Variants in GRM8 observed in about 807,000 individuals in gnomAD.
GRM8 encodes the protein glutamate metabotropic receptor 8, also known as metabotropic glutamate receptor 8.
GRM8 carries 47 observed loss-of-function variants against 87.2 expected under a neutral mutation model. That is an observed-to-expected ratio of 0.54 (90% confidence interval 0.43 to 0.69). The LOEUF (loss-of-function observed/expected upper bound fraction) is 0.69, where lower values mean the gene tolerates loss of function less well. Ranked by LOEUF, GRM8 falls within the 30% of genes least tolerant of loss-of-function variation. The pLI is 0.00. For synonymous variants in GRM8, 396 were observed against 404.5 expected, an observed-to-expected ratio of 0.98 and a Z score of 0.25; for missense variants, 1,019 against 1,139.2, an observed-to-expected ratio of 0.89 and a Z score of 1.52.
chr7:127,015,565 C>T (rs1467511137), intron 3 of GRM8, among the ~76,000 whole-genome samples: 1 of 152,086 alleles, frequency 6.6e-6, no homozygotes, highest in Non-Finnish European at 1.5e-5. Flanking sequence ...ACAGGCTATT[C>T]AACAATAGGC....
chr7:126,949,998 T>C lies in GRM8; in HGVS notation c.728-45315A>G, dbSNP rs145209381. On this transcript the variant is annotated intron_variant, in intron 3 of 10. Transcript: ENST00000339582. ...GGGTTTGAAGTTGAGGTTAATTCCC[T>C]CACTTTGCAGTACCACTAAAATGAA... is the stretch of plus-strand genomic sequence containing the variant. 8.5e-4 allele frequency among the ~76,000 whole-genome samples: 129 copies of C among 152,334 alleles called. 2 individuals carry two copies. Among genetic ancestry groups the C allele is most frequent in the African/African-American group, 2.9e-3 (121 of 41,582 alleles).
chr7:126,876,075 C>T (rs1799502609), intron 6 of GRM8, among the ~76,000 whole-genome samples: 1 of 152,188 alleles, frequency 6.6e-6, no homozygotes, highest in Admixed American at 6.5e-5. Context: ...CCTACTCAAA[C>T]TTTACCTTCC....
At chr7:127,234,735 G>A (rs752989195) in intron 2 of GRM8, among the ~76,000 whole-genome samples, 28 of 152,298 alleles carry the variant, frequency 1.8e-4, no homozygotes, top group Non-Finnish European at 3.2e-4. Flanking sequence ...TCAGGAACGC[G>A]TGTTTCAACA....
intron 3 of GRM8, among the ~76,000 whole-genome samples, chr7:127,001,481 T>TA (rs1384897954): frequency 6.6e-6 from 1 of 151,598 alleles, no homozygotes; most frequent in Non-Finnish European, 1.5e-5. Flanking sequence ...AGACACTTCA[T>TA]AAAAATACAA....
intron 8 of GRM8, among the ~76,000 whole-genome samples, chr7:126,579,032 A>G (rs1017535923): frequency 1.3e-5 from 2 of 152,140 alleles, no homozygotes; most frequent in African/African-American, 4.8e-5. Context: ...TATCTTACGT[A>G]AAGTAGGTAT....
chr7:127,010,270 T>A (rs1814753888), intron 3 of GRM8, among the ~76,000 whole-genome samples: 1 of 152,242 alleles, frequency 6.6e-6, no homozygotes, highest in Admixed American at 6.5e-5. Flanking sequence ...TTCATCACAT[T>A]ATATTGATTT....
chr7:126,908,141 G>A (rs1199757416), intron 3 of GRM8, among the ~76,000 whole-genome samples: 1 of 152,126 alleles, frequency 6.6e-6, no homozygotes, highest in African/African-American at 2.4e-5. Context: ...GAGAGAGAAG[G>A]GAATTGTAAT....
intron 3 of GRM8, among the ~76,000 whole-genome samples, chr7:126,982,325 C>T (rs776715135): frequency 9.9e-5 from 15 of 152,166 alleles, no homozygotes; most frequent in Non-Finnish European, 1.8e-4. Flanking sequence ...TTTGGCAACA[C>T]CCTCACAGAC....
chr7:126,440,761 T>C (rs1247638236), intron 10 of GRM8, among the ~76,000 whole-genome samples: 1 of 152,068 alleles, frequency 6.6e-6, no homozygotes, highest in Admixed American at 6.6e-5. Context: ...AAGTACACTG[T>C]ATGATGTTTG....
At chr7:127,005,754 C>T (rs1251247889) in intron 3 of GRM8, among the ~76,000 whole-genome samples, 1 of 151,920 alleles carries the variant, frequency 6.6e-6, no homozygotes, top group Non-Finnish European at 1.5e-5. Context: ...AACTGAAACT[C>T]TGTTAAAACC....
intron 3 of GRM8, among the ~76,000 whole-genome samples, chr7:127,002,021 G>A (rs1406045917): frequency 2.0e-5 from 3 of 151,638 alleles, no homozygotes; most frequent in Non-Finnish European, 4.4e-5. Flanking sequence ...ATCATTGATT[G>A]CCTGGGGTTG....
At chr7:126,995,061 T>G (rs1028062457) in intron 3 of GRM8, among the ~76,000 whole-genome samples, 2 of 152,146 alleles carry the variant, frequency 1.3e-5, no homozygotes, top group African/African-American at 4.8e-5. Flanking sequence ...AAGACTTCAT[T>G]TGTTTAAAAG....
At chr7:127,026,192 G>A (rs187439290) in intron 3 of GRM8, among the ~76,000 whole-genome samples, 5 of 152,204 alleles carry the variant, frequency 3.3e-5, no homozygotes, top group East Asian at 1.9e-4. Flanking sequence ...CCTTTTATAT[G>A]GCTGCATAGT....
chr7:126,756,025 A>G (rs745960492), intron 7 of GRM8, among the ~76,000 whole-genome samples: 1 of 151,950 alleles, frequency 6.6e-6, no homozygotes, highest in African/African-American at 2.4e-5. Context: ...AGTCCCAACA[A>G]TCACAAAAAT....
intron 2 of GRM8, among the ~76,000 whole-genome samples, chr7:127,233,253 CTATTTCATA>C (rs1554616655): frequency 6.6e-6 from 1 of 152,136 alleles, no homozygotes; most frequent in Non-Finnish European, 1.5e-5. Flanking sequence ...AGAGCCCAAC[CTATTTCATA>C]TAATTCATAT....
At chr7:126,662,324 TGA>T (rs1279952764) in intron 7 of GRM8, among the ~76,000 whole-genome samples, 1 of 152,134 alleles carries the variant, frequency 6.6e-6, no homozygotes, top group Non-Finnish European at 1.5e-5. Flanking sequence ...AAAGTGTCTA[TGA>T]CATCTTAAGC....
intron 3 of GRM8, among the ~76,000 whole-genome samples, chr7:126,965,167 G>C (rs1333871028): frequency 6.6e-6 from 1 of 152,012 alleles, no homozygotes; most frequent in African/African-American, 2.4e-5. Context: ...CAGGCGGTTG[G>C]GGGGTCAGAG....
intron 2 of GRM8, among the ~76,000 whole-genome samples, chr7:127,152,272 G>C (rs1021105319): frequency 1.3e-5 from 2 of 152,024 alleles, no homozygotes; most frequent in South Asian, 4.1e-4. Context: ...TCACCTTGCA[G>C]GAGCTGGTCT....
intron 8 of GRM8, among the ~76,000 whole-genome samples, chr7:126,535,356 G>A (rs545785053): frequency 2.0e-5 from 3 of 152,288 alleles, no homozygotes; most frequent in African/African-American, 4.8e-5. Flanking sequence ...TGTCACTGAT[G>A]CAGGACAGAC....
Sources: allele counts gnomAD v4.1 joint callset (sites outside exome capture counted in the v4.1 genomes callset), GRCh38; gene constraint gnomAD v4.1.1; transcripts MANE v1.5; gene names NCBI Gene and HGNC (gene_info 2026-07-23, HGNC 2026-07-21).